The following PPP2R2B variants were observed in gnomAD, a reference collection of about 807,000 sequenced individuals.
PPP2R2B encodes protein phosphatase 2 regulatory subunit Bbeta.
A neutral mutation model predicts 46.0 loss-of-function variants in PPP2R2B; 5 were observed. That is an observed-to-expected ratio of 0.11 (90% CI 0.06 to 0.23). The LOEUF (loss-of-function observed/expected upper bound fraction) is 0.23, where lower values mean the gene tolerates loss of function less well. Ranked by LOEUF, PPP2R2B falls within the 10% of genes least tolerant of loss-of-function variation. PPP2R2B has a pLI of 1.00. For missense variants in PPP2R2B, 367 were observed against 575.0 expected, an observed-to-expected ratio of 0.64 and a Z score of 3.70; for synonymous variants, 215 against 206.7, an observed-to-expected ratio of 1.04 and a Z score of -0.34.
chr5:146,929,577 C>G (rs1763899560), intron 1 of PPP2R2B, among the ~76,000 whole-genome samples: 1 of 152,000 alleles, frequency 6.6e-6, no homozygotes, highest in South Asian at 2.1e-4. Flanking sequence ...ATATACTTAT[C>G]TTGGTCAATC....
chr5:147,019,770 T>C (rs1220443475), intron 1 of PPP2R2B, among the ~76,000 whole-genome samples: 1 of 152,180 alleles, frequency 6.6e-6, no homozygotes, highest in Non-Finnish European at 1.5e-5. Context: ...TTGTAGCATG[T>C]AAGAGATGTT....
rs200121786 is a variant in PPP2R2B, at chr5:147,077,272, GTA to G, written c.50+3785_50+3786del. ...ATACGTTATACATATATGTATGTGT[GTA>G]TACACACACACACACACACACACAC... On this transcript the variant is annotated intron_variant, in intron 2 of 10. Transcript: ENST00000394413. Among the ~76,000 whole-genome samples, 44 of 108,978 alleles carry G rather than the reference GTA, an allele frequency of 4.0e-4. 1 individual carries two copies. The highest frequency in any genetic ancestry group is 1.4e-3 in the African/African-American group (43 of 29,740). 71.5% of individuals were successfully genotyped at this position (108,978 alleles called of 152,430 possible).
chr5:146,985,017 C>CT lies in PPP2R2B; in HGVS notation c.79+70647dup, dbSNP rs34277498. On this transcript the variant is annotated intron_variant, in intron 1 of 8. Coordinates refer to the PPP2R2B transcript ENST00000336640. ...TATAGTTTGCAAATATTTTCTTTTT[C>CT]TTTTTTTTTTTTTTTTTTTTTGAGA... is the stretch of plus-strand genomic sequence containing the variant. Among the ~76,000 whole-genome samples, 389 of 99,454 alleles carry CT rather than the reference C, an allele frequency of 3.9e-3. 4 individuals are homozygous for CT. Among genetic ancestry groups the CT allele is most frequent in the Middle Eastern group, 8.6e-3 (1 of 116 alleles). The allele number at this position is 99,454 out of a possible 152,430, so 65.2% of individuals were successfully genotyped here. A position where few individuals can be genotyped will look rare whatever the true frequency, so the allele number is the denominator to read the frequency against.
chr5:146,634,618 A>T (rs2151074220), intron 7 of PPP2R2B, among the ~76,000 whole-genome samples: 1 of 152,234 alleles, frequency 6.6e-6, no homozygotes, highest in East Asian at 1.9e-4. Context: ...TACCTGTGTG[A>T]GCCACTGAGG....
At position 147,030,887 on chromosome 5, in the gene PPP2R2B, T is replaced by C. The variant is rs1312963417; in HGVS notation, c.79+24778A>G. Among the ~76,000 whole-genome samples the C allele has an allele frequency of 3.3e-5, 5 of 152,324 alleles. No individual in the cohort carries two copies. In the South Asian group the frequency reaches 1.0e-3, roughly 32 times the overall value. On this transcript the variant is annotated intron_variant, in intron 1 of 8. Coordinates refer to the PPP2R2B transcript ENST00000336640. The stretch of plus-strand genomic sequence containing the variant: ...TTTCATTATGGTTCACTCACTTCTG[T>C]ATTTTAAATGCATGTCTCTCCTTGC...
At chr5:146,935,145 C>T (rs1433128350) in intron 1 of PPP2R2B, among the ~76,000 whole-genome samples, 2 of 152,150 alleles carry the variant, frequency 1.3e-5, no homozygotes, top group Admixed American at 6.5e-5. Flanking sequence ...TGTTGAAATC[C>T]TAACCTGCAA....
intron 8 of PPP2R2B, among the ~76,000 whole-genome samples, chr5:146,598,277 T>G (rs149485447): frequency 1.3e-5 from 2 of 152,338 alleles, no homozygotes; most frequent in Non-Finnish European, 2.9e-5. Flanking sequence ...GATGACTTAT[T>G]TTTCCTTAAG....
chr5:146,909,381 C>T (rs553928149), intron 1 of PPP2R2B, among the ~76,000 whole-genome samples: 2 of 152,160 alleles, frequency 1.3e-5, no homozygotes, highest in Admixed American at 1.3e-4. Flanking sequence ...GACAATGTGA[C>T]CCTTTTCTTG....
At chr5:146,795,110 T>G (rs1456444531) in intron 2 of PPP2R2B, among the ~76,000 whole-genome samples, 1 of 152,138 alleles carries the variant, frequency 6.6e-6, no homozygotes, top group Non-Finnish European at 1.5e-5. Flanking sequence ...TATCAGTTTC[T>G]TTATCTATAA....
intron 2 of PPP2R2B, among the ~76,000 whole-genome samples, chr5:146,711,380 T>C (rs1780206726): frequency 6.6e-6 from 1 of 152,178 alleles, no homozygotes; most frequent in African/African-American, 2.4e-5. Context: ...AATCAAAATA[T>C]GTATGCTGGG....
intron 5 of PPP2R2B, among the ~76,000 whole-genome samples, chr5:146,673,456 T>C (rs1179814577): frequency 6.9e-6 from 1 of 145,980 alleles, no homozygotes; most frequent in Non-Finnish European, 1.5e-5. Flanking sequence ...TTTGTTTTTA[T>C]CTAAGGAAAA....
intron 1 of PPP2R2B, among the ~76,000 whole-genome samples, chr5:147,046,609 A>G (rs1243227332): frequency 6.6e-6 from 1 of 152,012 alleles, no homozygotes; most frequent in Admixed American, 6.6e-5. Flanking sequence ...AGAAACACAA[A>G]TCAAAAGAGC....
At chr5:146,973,924 G>C (rs1291034720) in intron 1 of PPP2R2B, among the ~76,000 whole-genome samples, 1 of 152,100 alleles carries the variant, frequency 6.6e-6, no homozygotes, top group Admixed American at 6.5e-5. Flanking sequence ...ATAGGGTAAG[G>C]GATCCTTGTT....
At chr5:146,819,539 G>C (rs1441026700) in intron 2 of PPP2R2B, among the ~76,000 whole-genome samples, 1 of 152,032 alleles carries the variant, frequency 6.6e-6, no homozygotes, top group Non-Finnish European at 1.5e-5. Context: ...AAGTGAAAAA[G>C]GTAATTCCAG....
chr5:146,933,645 G>A (rs575710722), intron 1 of PPP2R2B, among the ~76,000 whole-genome samples: 38 of 151,470 alleles, frequency 2.5e-4, no homozygotes, highest in Non-Finnish European at 4.6e-4. Flanking sequence ...GTGACCTATC[G>A]TGACAAACGG....
chr5:146,585,366 A>G lies in PPP2R2B; in HGVS notation c.*4581T>C, dbSNP rs1770101199. ...AAACTGCCTGGCTTTGTCACTTGTG[A>G]ACTGTGTAAATTTGGTTGTCATTCA... is the stretch of plus-strand genomic sequence containing the variant. On this transcript the variant is annotated 3_prime_UTR_variant, in exon 10 of 10. Coordinates refer to ENST00000394411, the MANE Select transcript of PPP2R2B (RefSeq NM_181675.4). 6.6e-6 allele frequency: 1 copy of G among 151,732 alleles called. No individual in the cohort carries two copies. Among genetic ancestry groups the G allele is most frequent in the Non-Finnish European group, 1.5e-5 (1 of 68,034 alleles). 9.4% of individuals were successfully genotyped at this position (151,732 alleles called of 1,614,324 possible).
chr5:146,684,692 C>T (rs1778381034), intron 5 of PPP2R2B, among the ~76,000 whole-genome samples: 1 of 152,190 alleles, frequency 6.6e-6, no homozygotes, highest in South Asian at 2.1e-4. Context: ...AATCCCGTCT[C>T]CTCCCTTTGT....
chr5:146,697,813 G>C (rs1460105759), intron 4 of PPP2R2B, among the ~76,000 whole-genome samples, 166 bp downstream of exon 4: 1 of 152,152 alleles, frequency 6.6e-6, no homozygotes, highest in African/African-American at 2.4e-5. Flanking sequence ...TATTTATTGA[G>C]GGCCGAATCT....
chr5:146,728,138 CTTTT>C (rs757396751), intron 2 of PPP2R2B, among the ~76,000 whole-genome samples: 9 of 82,504 alleles, frequency 1.1e-4, no homozygotes, highest in African/African-American at 3.8e-4. Context: ...GAAACACTTA[CTTTT>C]TTTTTTTTTT....
Sources: allele counts gnomAD v4.1 joint callset (sites outside exome capture counted in the v4.1 genomes callset), GRCh38; gene constraint gnomAD v4.1.1; transcripts MANE v1.5; gene names NCBI Gene and HGNC (gene_info 2026-07-23, HGNC 2026-07-21).